Variants in MED25 observed in about 807,000 individuals in gnomAD.
MED25 encodes the protein mediator complex subunit 25, also known as mediator of RNA polymerase II transcription subunit 25.
In MED25, 62 loss-of-function variants were observed where a neutral mutation model predicts 89.4. The observed-to-expected ratio is 0.69, with a 90% confidence interval of 0.57 to 0.86. MED25 has a LOEUF of 0.86. MED25 is among the 40% of genes least tolerant of loss of function. MED25 has a pLI of 0.00. For synonymous variants in MED25, 449 were observed against 427.9 expected (o/e 1.05, Z -0.61); for missense variants, 905 against 1,005.2 (o/e 0.90, Z 1.35).
intron 3 of MED25, among the ~76,000 whole-genome samples, chr19:49,827,830 G>C (rs1049862833): frequency 6.6e-6 from 1 of 152,174 alleles, no homozygotes; most frequent in Admixed American, 6.6e-5. Context: ...GGGGACAGCA[G>C]GAGGCTGGGC....
At chr19:49,837,719 G>C (rs556808708), downstream of MED25, among the ~76,000 whole-genome samples, 2 of 152,304 alleles carry the variant, frequency 1.3e-5, no homozygotes, top group South Asian at 2.1e-4. Context: ...AGTAAGTGCA[G>C]GTGGTCCAAG....
At chr19:49,832,872 C>G (rs770109809) in intron 13 of MED25, 55 of 268,910 alleles carry the variant, frequency 2.0e-4, no homozygotes, top group Non-Finnish European at 2.7e-4. Context: ...CGGCCGGTAA[C>G]CCCAGGCTTC....
chr19:49,839,473 CTT>C (rs1469744934), downstream of MED25: 1 of 152,544 alleles, frequency 6.6e-6, no homozygotes, highest in Non-Finnish European at 1.5e-5. Context: ...TTGATGGTGA[CTT>C]GACCTGAGAG....
chr19:49,831,228 CA>C lies in MED25; in HGVS notation c.1102-104del. 1 of 1,245,044 alleles carries C rather than the reference CA, an allele frequency of 8.0e-7. No individual in the cohort carries two copies. Among genetic ancestry groups the C allele is most frequent in the Non-Finnish European group, 1.1e-6 (1 of 894,898 alleles). 77.1% of individuals were successfully genotyped at this position (1,245,044 alleles called of 1,614,324 possible). ...AAGTGCTGTTCTGGGGATGGAGGGG[CA>C]GAAGAAGGGATCTTTCCTCCTTCCT... On this transcript the variant is annotated intron_variant, in intron 9 of 17. Transcript: ENST00000312865. This position sits in a 1 kb window ranked among gnomAD's most constrained non-coding sequence, Gnocchi z 5.0.
intron 4 of MED25, 80 bp downstream of exon 4, chr19:49,828,627 C>G (rs2074031690): frequency 8.4e-7 from 1 of 1,187,568 alleles, no homozygotes; most frequent in African/African-American, 1.5e-5. Flanking sequence ...GTGGTTCTAC[C>G]TCCAGCCTCA....
At chr19:49,826,601 G>C (rs1039122992) in intron 3 of MED25, among the ~76,000 whole-genome samples, 12 of 152,236 alleles carry the variant, frequency 7.9e-5, no homozygotes, top group African/African-American at 2.4e-4. Context: ...CCTAGGGTCA[G>C]ACGCCTTGGT....
intron 3 of MED25, 26 bp from the exon 4 acceptor site, chr19:49,828,423 G>A (rs779566474): frequency 1.5e-5 from 21 of 1,435,326 alleles, no homozygotes; most frequent in African/African-American, 4.7e-5. Flanking sequence ...TGGCAACCCT[G>A]GGGGCTGACC....
downstream of MED25, chr19:49,838,818 T>G (rs1474154867): frequency 2.2e-6 from 1 of 445,318 alleles, no homozygotes; most frequent in East Asian, 7.0e-5. Flanking sequence ...GACTCAAATG[T>G]CAATAGGGTT....
chr19:49,825,122 A>G (rs1207160608), intron 3 of MED25, among the ~76,000 whole-genome samples: 2 of 152,166 alleles, frequency 1.3e-5, no homozygotes, highest in Non-Finnish European at 2.9e-5. Context: ...TCTTTGACAA[A>G]ATGTTTATTA....
chr19:49,832,285 G>GCCGA (rs1358127316), intron 12 of MED25, 23 bp from the exon 13 acceptor site: 1 of 1,562,846 alleles, frequency 6.4e-7, no homozygotes, highest in Admixed American at 1.8e-5. Context: ...CAGCATGCCA[G>GCCGA]CCGACTTCTG....
intron 12 of MED25, 65 bp from the exon 13 acceptor site, chr19:49,832,243 C>T: frequency 6.5e-7 from 1 of 1,534,470 alleles, no homozygotes; most frequent in Non-Finnish European, 8.9e-7. Flanking sequence ...CCCCCACTCC[C>T]TGCCTCATGT....
In MED25 at chr19:49,836,221, C is replaced by G. The variant is rs757221753; in HGVS notation, c.1966-5C>G. On this transcript the variant is annotated splice_region_variant and splice_polypyrimidine_tract_variant and intron_variant, in intron 16 of 17. Transcript: ENST00000312865. The surrounding 1 kb of genome is among the most constrained non-coding windows in gnomAD (Gnocchi z 5.1). ...GCCTCTGAGCCACTCTCTGTGTTCT[C>G]CCAGCCGCAGACTGGGGTGCCCCCA... 7 of 1,611,884 alleles carry G rather than the reference C, an allele frequency of 4.3e-6. No individual in the cohort carries two copies. The highest frequency in any genetic ancestry group is 5.9e-6 in the Non-Finnish European group (7 of 1,179,776).
At chr19:49,832,781 G>A in intron 13 of MED25, 1 of 348,506 alleles carries the variant, frequency 2.9e-6, no homozygotes, top group East Asian at 7.5e-5. Context: ...CAGTTCTGGA[G>A]GCCAGAAGCC....
At chr19:49,819,667 G>A (rs1375257314) in intron 3 of MED25, 1 of 352,372 alleles carries the variant, frequency 2.8e-6, no homozygotes, top group East Asian at 7.6e-5. Context: ...GCCTGGCTGA[G>A]CTCCAGCAGC....
chr19:49,840,371 C>A (rs1031015607), downstream of MED25: 3 of 152,094 alleles, frequency 2.0e-5, no homozygotes, highest in African/African-American at 4.8e-5. Flanking sequence ...GAGTAAAGAT[C>A]CGATTTGATG....
In MED25 at chr19:49,830,348, C is replaced by T. The variant is rs1039271493; in HGVS notation, c.819+130C>T. 4.3e-6 allele frequency: 5 copies of T among 1,173,126 alleles called. No homozygotes were observed. In the African/African-American group the frequency reaches 6.1e-5, roughly 14 times the overall value. 72.7% of individuals were successfully genotyped at this position (1,173,126 alleles called of 1,614,324 possible). On this transcript the variant is annotated intron_variant, in intron 7 of 17. Transcript: ENST00000312865. The surrounding 1 kb of genome is among the most constrained non-coding windows in gnomAD (Gnocchi z 4.6). ...CCCATGGGACATTGGGAAGGTGGGA[C>T]TCTTGGGGCCATGGAAGCTCATGTG...
rs1530882 is a variant in MED25 at position 49,831,609 on chromosome 19, C to T, written c.1230+148C>T. On this transcript the variant is annotated intron_variant, in intron 10 of 17. Transcript: ENST00000312865. The surrounding 1 kb of genome is among the most constrained non-coding windows in gnomAD (Gnocchi z 5.0). ...TGGACCTGTGGGATGCGGGGCGAGG[C>T]CAGGAGCCCCATGGAGTGGTGGGAC... The T allele has an allele frequency of 0.07, 74,579 of 1,058,034 alleles. 3,223 individuals are homozygous for T. Among genetic ancestry groups the T allele is most frequent in the Middle Eastern group, 0.11 (370 of 3,412 alleles). 65.5% of individuals were successfully genotyped at this position (1,058,034 alleles called of 1,614,324 possible).
Position 49,818,311 on chromosome 19 carries a change from T to G in MED25, c.-31T>G, listed in dbSNP as rs1018990154. The G allele has an allele frequency of 6.4e-7, 1 of 1,566,050 alleles. No individual in the cohort carries two copies. Among genetic ancestry groups the G allele is most frequent in the Non-Finnish European group, 8.7e-7 (1 of 1,154,898 alleles). ...CTCATTCCGCGGCGTCGGCTGCGGC[T>G]GCAGTGGTGGTGGCGGGTACCGCAC... On this transcript the variant is annotated 5_prime_UTR_variant, in exon 1 of 18. Transcript: ENST00000312865.
At chr19:49,823,385 C>T (rs944304556) in intron 3 of MED25, among the ~76,000 whole-genome samples, 6 of 152,090 alleles carry the variant, frequency 3.9e-5, no homozygotes, top group African/African-American at 7.2e-5. Context: ...GGCTGGGTAC[C>T]GCAACCTCAC....
Sources: allele counts gnomAD v4.1 joint callset (sites outside exome capture counted in the v4.1 genomes callset), GRCh38; gene constraint gnomAD v4.1.1; non-coding constraint Gnocchi (gnomAD v3.1); transcripts MANE v1.5; gene names NCBI Gene and HGNC (gene_info 2026-07-23, HGNC 2026-07-21).